Variants in ADAMTS19 observed in about 807,000 individuals in gnomAD.
ADAMTS19 encodes the protein A disintegrin and metalloproteinase with thrombospondin motifs 19.
ADAMTS19 carries 93 observed loss-of-function variants against 153.3 expected under a neutral mutation model. The ratio of observed to expected loss-of-function variants is 0.61; its 90% CI spans 0.51 to 0.72. ADAMTS19 has a LOEUF of 0.72. ADAMTS19 is among the 30% of genes least tolerant of loss of function. The probability of loss-of-function intolerance (pLI) is 0.00; values close to 1 mark genes in which losing one functional copy is unlikely to be tolerated. For synonymous variants in ADAMTS19, 600 were observed against 556.6 expected (o/e 1.08, Z -1.10); for missense variants, 1,482 against 1,552.1 (o/e 0.95, Z 0.76).
At chr5:129,610,285 T>C (rs1270481116) in intron 8 of ADAMTS19, among the ~76,000 whole-genome samples, 1 of 152,024 alleles carries the variant, frequency 6.6e-6, no homozygotes, top group African/African-American at 2.4e-5. Flanking sequence ...AGGTATTCTT[T>C]TTTATATATT....
At chr5:129,546,466 A>G (rs1581067498) in intron 6 of ADAMTS19, among the ~76,000 whole-genome samples, 1 of 150,968 alleles carries the variant, frequency 6.6e-6, no homozygotes, top group South Asian at 2.1e-4. Flanking sequence ...GTAGAATTAT[A>G]AAGACGGAAA....
chr5:129,544,518 T>A (rs1752783531), intron 6 of ADAMTS19, among the ~76,000 whole-genome samples: 1 of 152,188 alleles, frequency 6.6e-6, no homozygotes, highest in South Asian at 2.1e-4. Flanking sequence ...AATCTGGCTG[T>A]CTAGATAATC....
intron 3 of ADAMTS19, among the ~76,000 whole-genome samples, chr5:129,522,364 T>TA (rs1751855144): frequency 7.2e-6 from 1 of 139,676 alleles, no homozygotes; most frequent in Non-Finnish European, 1.5e-5. Context: ...TATATATATA[T>TA]ATGATCAGTT....
intron 7 of ADAMTS19, among the ~76,000 whole-genome samples, chr5:129,589,810 C>G (rs757881138): frequency 2.0e-5 from 3 of 151,958 alleles, no homozygotes; most frequent in Non-Finnish European, 2.9e-5. Flanking sequence ...ACATGTTTCC[C>G]CTTTGAGAAC....
Position 129,506,051 on chromosome 5 carries a change from A to T in ADAMTS19, c.748-3026A>T, listed in dbSNP as rs548480798. ...CCCAGCACAGGGGCACTTGTGCAGAAAGGTTAATATGGGTTCATGTTCTTT... is the reference window on the plus strand; with the variant it reads ...CCCAGCACAGGGGCACTTGTGCAGATAGGTTAATATGGGTTCATGTTCTTT... On this transcript the variant is annotated intron_variant, in intron 2 of 22. Transcript: ENST00000274487. 1.9e-4 allele frequency among the ~76,000 whole-genome samples: 29 copies of T among 152,318 alleles called. No homozygotes were observed. The South Asian group carries it at 6.0e-3, about 32-fold the overall frequency.
At chr5:129,712,504 G>A (rs530123073) in intron 21 of ADAMTS19, among the ~76,000 whole-genome samples, 2 of 152,160 alleles carry the variant, frequency 1.3e-5, no homozygotes, top group East Asian at 1.9e-4. Flanking sequence ...CATTATATCT[G>A]GAGAAACCAT....
intron 7 of ADAMTS19, among the ~76,000 whole-genome samples, chr5:129,572,554 G>C (rs1259142976): frequency 6.6e-6 from 1 of 151,948 alleles, no homozygotes; most frequent in Non-Finnish European, 1.5e-5. Flanking sequence ...TAAACAATCT[G>C]TGGTACATCC....
At chr5:129,518,829 C>T (rs1025843000) in intron 3 of ADAMTS19, among the ~76,000 whole-genome samples, 2 of 151,690 alleles carry the variant, frequency 1.3e-5, no homozygotes, top group African/African-American at 4.8e-5. Context: ...TTATATTTGC[C>T]CTTTTGAGGC....
Position 129,590,571 on chromosome 5 carries a change from A to C in ADAMTS19, c.1373-5988A>C, listed in dbSNP as rs530504509. On this transcript the variant is annotated intron_variant, in intron 7 of 22. Transcript: ENST00000274487. ...GTGTTGTAAATTACTTAAACATTTAAGAAAATCTAGAAGGCTTTTTTAAAA... is the reference window on the plus strand; with the variant it reads ...GTGTTGTAAATTACTTAAACATTTACGAAAATCTAGAAGGCTTTTTTAAAA... Among the ~76,000 whole-genome samples, 275 of 152,316 alleles carry C rather than the reference A, an allele frequency of 1.8e-3. 1 individual carries two copies. Among genetic ancestry groups the C allele is most frequent in the Admixed American group, 3.2e-3 (49 of 15,294 alleles).
At chr5:129,543,117 T>C (rs1203519264) in intron 6 of ADAMTS19, among the ~76,000 whole-genome samples, 1 of 151,830 alleles carries the variant, frequency 6.6e-6, no homozygotes, top group African/African-American at 2.4e-5. Context: ...TGGCATGATC[T>C]TGGCTCACCA....
Position 129,460,451 on chromosome 5 carries a change from G to T in ADAMTS19, c.60G>T (p.Gln20His). ...TCTGCTGCTGCTGCCTCCTTTACCA[G>T]CTGGGGTTCCTGTCGAATGGGATCG... is the stretch of plus-strand genomic sequence containing the variant. Reference protein sequence around the residue: ...THICCCCLLYQLGFLSNGIVS... With the variant: ...THICCCCLLYHLGFLSNGIVS... The change falls in exon 1 of 23, where the codon CAG becomes CAT. Residue 20 changes from glutamine (Q) to histidine (H), a missense_variant. Around this residue, in one of 2 missense-constraint regions of ADAMTS19, gnomAD observed 866 missense variants for 827.7 expected, o/e 1.05. Transcript: ENST00000274487. 1.2e-6 allele frequency: 2 copies of T among 1,614,154 alleles called. No homozygotes were observed. The highest frequency in any genetic ancestry group is 1.7e-6 in the Non-Finnish European group (2 of 1,180,020).
Position 129,654,420 on chromosome 5 carries a change from A to G in ADAMTS19, c.2291A>G (p.Asn764Ser). ...CGYQGLDICA[N>S]GRCQKVGCDG... The stretch of plus-strand genomic sequence containing the variant: ...TATCAGGGATTAGATATCTGTGCAA[A>G]TGGCAGGTGCCAGGTAAGACATTCC... The change falls in exon 14 of 23, where the codon AAT becomes AGT. Residue 764 changes from asparagine (N) to serine (S), a missense_variant. This residue lies in a region of ADAMTS19 where 616 missense variants were observed against 724.4 expected (regional missense o/e 0.85). Coordinates refer to ENST00000274487, the MANE Select transcript of ADAMTS19 (RefSeq NM_133638.6). 1 of 1,609,540 alleles carries G rather than the reference A, an allele frequency of 6.2e-7. No individual in the cohort carries two copies. The highest frequency in any genetic ancestry group is 8.5e-7 in the Non-Finnish European group (1 of 1,178,984).
Position 129,461,035 on chromosome 5 carries a change from T to C in ADAMTS19, c.92-67T>C, listed in dbSNP as rs1749631661. ...GCCCTGTATCTATGGACTGTGAGCT[T>C]GGAAATGTTTGTGCTACTGGAACCG... On this transcript the variant is annotated intron_variant, in intron 1 of 22. Coordinates refer to ENST00000274487, the MANE Select transcript of ADAMTS19 (RefSeq NM_133638.6). This position sits in a 1 kb window ranked among gnomAD's most constrained non-coding sequence, Gnocchi z 4.6. The C allele has an allele frequency of 7.8e-7, 1 of 1,283,936 alleles. No homozygotes were observed. Among genetic ancestry groups the C allele is most frequent in the African/African-American group, 1.6e-5 (1 of 64,434 alleles). 79.5% of individuals were successfully genotyped at this position (1,283,936 alleles called of 1,614,324 possible). A position where few individuals can be genotyped will look rare whatever the true frequency, so the allele number is the denominator to read the frequency against.
intron 2 of ADAMTS19, among the ~76,000 whole-genome samples, chr5:129,474,349 A>G (rs1750158569): frequency 6.6e-6 from 1 of 152,128 alleles, no homozygotes; most frequent in African/African-American, 2.4e-5. Flanking sequence ...ATTATGAATA[A>G]TGCTACTATA....
chr5:129,571,855 C>T (rs146104453), intron 7 of ADAMTS19, among the ~76,000 whole-genome samples: 198 of 151,774 alleles, frequency 1.3e-3, no homozygotes, highest in African/African-American at 3.9e-3. Flanking sequence ...TAGATCCACA[C>T]AAATAGGGGC....
rs143285283 is a variant in ADAMTS19, at chr5:129,694,841, A to G, written c.2940A>G (p.Gln980=). The change falls in exon 19 of 23, where the codon CAA becomes CAG. Residue 980 remains glutamine, a synonymous_variant. Transcript: ENST00000274487. ...PEPQIRKCNE[Q]PCQTRWMMTE... ...CACAGATTCGAAAGTGCAATGAGCA[A>G]CCATGTCAAACAAGGTAACTCTATT... The G allele has an allele frequency of 2.5e-6, 4 of 1,588,920 alleles. No homozygotes were observed. Among genetic ancestry groups the G allele is most frequent in the Non-Finnish European group, 3.4e-6 (4 of 1,166,872 alleles).
chr5:129,508,321 T>A (rs1299249605), intron 2 of ADAMTS19, among the ~76,000 whole-genome samples: 1 of 151,968 alleles, frequency 6.6e-6, no homozygotes, highest in East Asian at 1.9e-4. Flanking sequence ...TGTTCTTTCA[T>A]GTGGAATACT....
chr5:129,615,134 GCCATCC>G (rs1183104907), intron 8 of ADAMTS19, among the ~76,000 whole-genome samples: 47 of 152,054 alleles, frequency 3.1e-4, no homozygotes, highest in Admixed American at 3.0e-3. Flanking sequence ...TAGATTCAAT[GCCATCC>G]CCATCAAGCT....
At chr5:129,716,538 C>G (rs1756738850) in intron 21 of ADAMTS19, among the ~76,000 whole-genome samples, 1 of 149,994 alleles carries the variant, frequency 6.7e-6, no homozygotes, top group Admixed American at 6.6e-5. Flanking sequence ...AATTCCTGAT[C>G]TTATTTTCTC....
Sources: allele counts gnomAD v4.1 joint callset (sites outside exome capture counted in the v4.1 genomes callset), GRCh38; gene constraint gnomAD v4.1.1; regional missense constraint gnomAD v4.1.1; non-coding constraint Gnocchi (gnomAD v3.1); transcripts MANE v1.5; gene names NCBI Gene and HGNC (gene_info 2026-07-23, HGNC 2026-07-21).